SLCO1A2: variants seen among roughly 807,000 people sequenced by gnomAD.
SLCO1A2 encodes the protein solute carrier organic anion transporter family member 1A2.
SLCO1A2 carries 67 observed loss-of-function variants against 69.0 expected under a neutral mutation model. The observed-to-expected ratio is 0.97, with a 90% confidence interval of 0.80 to 1.19. SLCO1A2 has a LOEUF of 1.19. SLCO1A2 is among the 50% of genes most tolerant of loss of function. The pLI is 0.00. For synonymous variants in SLCO1A2, 260 were observed against 265.9 expected (o/e 0.98, Z 0.22); for missense variants, 787 against 793.7 (o/e 0.99, Z 0.10).
At chr12:21,307,057 T>G (rs1565488005) in intron 4 of SLCO1A2, 69 bp from the exon 5 acceptor site, 4 of 1,058,704 alleles carry the variant, frequency 3.8e-6, no homozygotes, top group Non-Finnish European at 5.7e-6. Context: ...AATGTGCAGA[T>G]TGTTACCTTC....
intron 9 of SLCO1A2, among the ~76,000 whole-genome samples, chr12:21,296,422 T>C (rs1947718733): frequency 1.3e-5 from 2 of 152,042 alleles, no homozygotes; most frequent in African/African-American, 4.8e-5. Flanking sequence ...AAAACAAAAA[T>C]TGCAGAGACA....
Position 21,268,354 on chromosome 12 carries a change from T to C in SLCO1A2, c.*1194A>G, listed in dbSNP as rs573642709. The C allele has an allele frequency of 6.6e-6, 1 of 152,198 alleles. No individual in the cohort carries two copies. Among genetic ancestry groups the C allele is most frequent in the Non-Finnish European group, 1.5e-5 (1 of 67,998 alleles). 9.4% of individuals were successfully genotyped at this position (152,198 alleles called of 1,614,324 possible). A position where few individuals can be genotyped will look rare whatever the true frequency, so the allele number is the denominator to read the frequency against. On this transcript the variant is annotated 3_prime_UTR_variant, in exon 15 of 15. Coordinates refer to ENST00000683939, the MANE Select transcript of SLCO1A2 (RefSeq NM_001386879.1). ...ACCATAGTGTATTGACACCCACTTC[T>C]CCCACCCTTCCTTACTCCATTCTCT... is the stretch of plus-strand genomic sequence containing the variant.
chr12:21,360,778 C>G (rs546993817), intron 2 of SLCO1A2, among the ~76,000 whole-genome samples: 1 of 152,334 alleles, frequency 6.6e-6, no homozygotes, highest in African/African-American at 2.4e-5. Flanking sequence ...CCCACGGAGG[C>G]TCGCTCACTG....
chr12:21,406,162 GTGTGTGTC>G lies in SLCO1A2; in HGVS notation c.-312+11712_-312+11719del, dbSNP rs563573968. On this transcript the variant is annotated intron_variant, in intron 1 of 4. Coordinates refer to the SLCO1A2 transcript ENST00000413682. ...GAATGAGTAGATATATTTAAAATGT[GTGTGTGTC>G]TGTGTGTCTGTGTGTCTGTGTGTGT... Among the ~76,000 whole-genome samples, 432 of 152,360 alleles carry G rather than the reference GTGTGTGTC, an allele frequency of 2.8e-3. 5 individuals carry two copies. Among genetic ancestry groups the G allele is most frequent in the Admixed American group, 0.02 (304 of 15,302 alleles).
intron 2 of SLCO1A2, among the ~76,000 whole-genome samples, chr12:21,355,216 G>A (rs780862355): frequency 1.3e-5 from 2 of 152,052 alleles, no homozygotes; most frequent in African/African-American, 2.4e-5. Context: ...GGATTATTAC[G>A]ACCTTTATAG....
In SLCO1A2 at chr12:21,264,701, T is replaced by G. The variant is rs1410943847; in HGVS notation, c.*4847A>C. The G allele has an allele frequency of 6.6e-6, 1 of 152,182 alleles. No homozygotes were observed. Among genetic ancestry groups the G allele is most frequent in the Non-Finnish European group, 1.5e-5 (1 of 68,024 alleles). 9.4% of individuals were successfully genotyped at this position (152,182 alleles called of 1,614,324 possible). A position where few individuals can be genotyped will look rare whatever the true frequency, so the allele number is the denominator to read the frequency against. On this transcript the variant is annotated 3_prime_UTR_variant, in exon 15 of 15. Coordinates refer to ENST00000683939, the MANE Select transcript of SLCO1A2 (RefSeq NM_001386879.1). ...AATCTTACAGGATTATGCAATAGTG[T>G]CTCACACAGAAATGACTCCAAAGCT...
At chr12:21,396,978 A>G (rs1224387546), upstream of SLCO1A2, among the ~76,000 whole-genome samples, 2 of 151,898 alleles carry the variant, frequency 1.3e-5, no homozygotes, top group Non-Finnish European at 2.9e-5. Flanking sequence ...CGAGCAAAAT[A>G]ACCAGCTAAC....
chr12:21,396,317 A>C (rs974739065), upstream of SLCO1A2, among the ~76,000 whole-genome samples: 3 of 150,896 alleles, frequency 2.0e-5, no homozygotes, highest in Admixed American at 2.0e-4. Flanking sequence ...AGGGAAGTTT[A>C]GAGAAAAAAG....
chr12:21,336,075 C>T (rs117725781), upstream of SLCO1A2, among the ~76,000 whole-genome samples: 90 of 152,154 alleles, frequency 5.9e-4, 1 homozygote, highest in East Asian at 0.01. Context: ...AAAAAATTCA[C>T]AGGTTATTGT....
At chr12:21,418,560 G>A (rs1942025163), upstream of SLCO1A2, among the ~76,000 whole-genome samples, 1 of 152,156 alleles carries the variant, frequency 6.6e-6, no homozygotes, top group Non-Finnish European at 1.5e-5. Flanking sequence ...GCAGACAAGA[G>A]AGAATGAGAG....
chr12:21,340,264 G>A (rs1953024761), intron 2 of SLCO1A2, among the ~76,000 whole-genome samples: 1 of 151,958 alleles, frequency 6.6e-6, no homozygotes, highest in Non-Finnish European at 1.5e-5. Context: ...TAGTCACCAA[G>A]TCTTCACATA....
In SLCO1A2 at chr12:21,266,754, G is replaced by GCTAT; in HGVS notation, c.*2790_*2793dup. ...CAGAAACCCATTTACCTGCTGTAAT[G>GCTAT]CTATCTGGCTCCACAAAGCAACATT... is the stretch of plus-strand genomic sequence containing the variant. On this transcript the variant is annotated 3_prime_UTR_variant, in exon 15 of 15. Coordinates refer to ENST00000683939, the MANE Select transcript of SLCO1A2 (RefSeq NM_001386879.1). 2 of 152,000 alleles carry GCTAT rather than the reference G, an allele frequency of 1.3e-5. No individual in the cohort carries two copies. The highest frequency in any genetic ancestry group is 3.4e-3 in the Middle Eastern group (1 of 294). 9.4% of individuals were successfully genotyped at this position (152,000 alleles called of 1,614,324 possible). A position where few individuals can be genotyped will look rare whatever the true frequency, so the allele number is the denominator to read the frequency against.
chr12:21,356,640 A>C (rs1481935102), intron 2 of SLCO1A2, among the ~76,000 whole-genome samples: 1 of 152,156 alleles, frequency 6.6e-6, no homozygotes, highest in Non-Finnish European at 1.5e-5. Flanking sequence ...ATTCACAGTA[A>C]AGATATGAGT....
intron 2 of SLCO1A2, among the ~76,000 whole-genome samples, chr12:21,326,356 T>G (rs757940260): frequency 2.0e-5 from 3 of 152,028 alleles, no homozygotes; most frequent in Non-Finnish European, 4.4e-5. Flanking sequence ...TACCCAAAAA[T>G]GTGGAAATGA....
chr12:21,364,405 A>G (rs1400322999), intron 2 of SLCO1A2, among the ~76,000 whole-genome samples: 1 of 152,212 alleles, frequency 6.6e-6, no homozygotes, highest in African/African-American at 2.4e-5. Flanking sequence ...TCTCAAAATA[A>G]TATGATCTAT....
intron 3 of SLCO1A2, among the ~76,000 whole-genome samples, chr12:21,317,908 A>G (rs1951082643): frequency 6.6e-6 from 1 of 152,130 alleles, no homozygotes; most frequent in African/African-American, 2.4e-5. Context: ...GTCATCCACA[A>G]AAATCAGAAT....
chr12:21,408,130 G>A (rs572547249), intron 1 of SLCO1A2, among the ~76,000 whole-genome samples: 19 of 152,176 alleles, frequency 1.2e-4, no homozygotes, highest in Non-Finnish European at 2.1e-4. Flanking sequence ...AGTTACTCTG[G>A]TAAATTTTTA....
intron 2 of SLCO1A2, among the ~76,000 whole-genome samples, chr12:21,322,668 G>A (rs1481273630): frequency 6.7e-6 from 1 of 149,392 alleles, no homozygotes; most frequent in Non-Finnish European, 1.5e-5. Flanking sequence ...TTTCTTGTCA[G>A]ACTTAAAGTC....
intron 1 of SLCO1A2, among the ~76,000 whole-genome samples, chr12:21,383,564 A>G (rs1192853631): frequency 6.6e-6 from 1 of 152,184 alleles, no homozygotes; most frequent in Non-Finnish European, 1.5e-5. Context: ...CACACTGTCC[A>G]TGGAGCCTAT....
Sources: gnomAD v4.1 joint callset for allele counts (sites outside exome capture counted in the v4.1 genomes callset) on GRCh38, gnomAD v4.1.1 for gene constraint, MANE v1.5 for transcripts, NCBI Gene and HGNC (gene_info 2026-07-23, HGNC 2026-07-21) for gene names.